Variants in TSHZ2 observed in about 807,000 individuals in gnomAD.
TSHZ2 encodes the protein teashirt homolog 2.
A neutral mutation model predicts 74.4 loss-of-function variants in TSHZ2; 21 were observed. That is an observed-to-expected ratio of 0.28 (90% CI 0.20 to 0.41). The LOEUF is 0.41. TSHZ2 is among the 10% of genes least tolerant of loss of function. The pLI is 1.00. For missense variants in TSHZ2, 1,244 were observed against 1,293.5 expected, an observed-to-expected ratio of 0.96 and a Z score of 0.59; for synonymous variants, 540 against 515.3, an observed-to-expected ratio of 1.05 and a Z score of -0.65.
intron 1 of TSHZ2, among the ~76,000 whole-genome samples, chr20:52,993,280 C>T (rs1365208641): frequency 2.6e-5 from 4 of 152,164 alleles, no homozygotes; most frequent in Admixed American, 2.6e-4. Context: ...TTCCCCCGGG[C>T]AACATAACAT....
At chr20:53,161,056 C>T (rs772965413) in intron 1 of TSHZ2, among the ~76,000 whole-genome samples, 9 of 139,274 alleles carry the variant, frequency 6.5e-5, no homozygotes, top group African/African-American at 1.4e-4. Context: ...TGTTTGTTTT[C>T]GAGAACATTG....
At chr20:53,241,404 G>C (rs1044330223) in intron 1 of TSHZ2, among the ~76,000 whole-genome samples, 1 of 152,142 alleles carries the variant, frequency 6.6e-6, no homozygotes, top group Admixed American at 6.5e-5. Context: ...GATTTATTTG[G>C]TGGAGTTACT....
intron 1 of TSHZ2, among the ~76,000 whole-genome samples, chr20:53,034,417 TG>T (rs1260884136): frequency 6.6e-6 from 1 of 152,236 alleles, no homozygotes; most frequent in Non-Finnish European, 1.5e-5. Context: ...GCATCTACTT[TG>T]TGCCAGGCAC....
chr20:52,989,655 A>G (rs1332915392), intron 1 of TSHZ2, among the ~76,000 whole-genome samples: 1 of 152,190 alleles, frequency 6.6e-6, no homozygotes, highest in Non-Finnish European at 1.5e-5. Flanking sequence ...CGCTTGGCGC[A>G]TAATAAGAAT....
chr20:53,399,555 C>T (rs1982576814), intron 2 of TSHZ2: 2 of 152,214 alleles, frequency 1.3e-5, no homozygotes, highest in Non-Finnish European at 2.9e-5. Flanking sequence ...CAGAAGGATG[C>T]TTTACAGACT....
intron 1 of TSHZ2, among the ~76,000 whole-genome samples, chr20:53,233,644 T>C (rs1989876643): frequency 6.6e-6 from 1 of 152,196 alleles, no homozygotes; most frequent in African/African-American, 2.4e-5. Flanking sequence ...GTGATAGAGC[T>C]GGGATTTTCC....
intron 1 of TSHZ2, among the ~76,000 whole-genome samples, chr20:53,158,720 C>A (rs1987856190): frequency 6.6e-6 from 1 of 152,136 alleles, no homozygotes; most frequent in African/African-American, 2.4e-5. Context: ...TCGTGGCCCT[C>A]AAGGACCACC....
At chr20:53,455,471 GT>G (rs1985023393) in intron 2 of TSHZ2, 1 of 151,984 alleles carries the variant, frequency 6.6e-6, no homozygotes, top group South Asian at 2.1e-4. Context: ...AATACACAAA[GT>G]TTTGCTACTT....
At chr20:53,410,482 G>A (rs1239596773) in intron 2 of TSHZ2, among the ~76,000 whole-genome samples, 1 of 152,054 alleles carries the variant, frequency 6.6e-6, no homozygotes, top group Non-Finnish European at 1.5e-5. Flanking sequence ...GGTGGAGGAG[G>A]AGGCATAGCA....
intron 2 of TSHZ2, among the ~76,000 whole-genome samples, chr20:53,395,093 T>C (rs574148678): frequency 2.0e-5 from 3 of 152,248 alleles, no homozygotes; most frequent in East Asian, 3.9e-4. Context: ...AATTCAGTCA[T>C]GTGAAATCAA....
At chr20:53,047,240 G>A (rs1211960292) in intron 1 of TSHZ2, among the ~76,000 whole-genome samples, 1 of 152,102 alleles carries the variant, frequency 6.6e-6, no homozygotes, top group Non-Finnish European at 1.5e-5. Context: ...CTTTATTAAG[G>A]TATAATAGAA....
rs538915840 is a variant in TSHZ2 at position 53,280,338 on chromosome 20, A to G, written c.*8+23767A>G. ...ATAGCCTGGTTCCCAAAGCAGGTCA[A>G]TTTATATCATAAAACTCAAAAATTA... On this transcript the variant is annotated intron_variant, in intron 2 of 2. Coordinates refer to ENST00000371497, the MANE Select transcript of TSHZ2 (RefSeq NM_173485.6). Among the ~76,000 whole-genome samples, 46 of 152,326 alleles carry G rather than the reference A, an allele frequency of 3.0e-4. No homozygotes were observed. In the Middle Eastern group the frequency reaches 0.01, roughly 34 times the overall value.
chr20:53,442,993 G>C (rs1984397421), intron 2 of TSHZ2, among the ~76,000 whole-genome samples: 2 of 152,158 alleles, frequency 1.3e-5, no homozygotes, highest in African/African-American at 4.8e-5. Flanking sequence ...TTTTTTAATA[G>C]CATGTCCTCG....
At chr20:53,341,735 C>A (rs1295050025) in intron 2 of TSHZ2, among the ~76,000 whole-genome samples, 1 of 151,920 alleles carries the variant, frequency 6.6e-6, no homozygotes, top group Non-Finnish European at 1.5e-5. Flanking sequence ...GCTGGGGGGA[C>A]AGAGCTGCTC....
intron 2 of TSHZ2, among the ~76,000 whole-genome samples, chr20:53,312,979 C>T (rs1166295016): frequency 6.6e-6 from 1 of 152,196 alleles, no homozygotes; most frequent in African/African-American, 2.4e-5. Flanking sequence ...AAGTGAAATA[C>T]AGATTTGGAA....
At chr20:53,258,201 T>C (rs1344072115) in intron 2 of TSHZ2, among the ~76,000 whole-genome samples, 1 of 152,238 alleles carries the variant, frequency 6.6e-6, no homozygotes, top group African/African-American at 2.4e-5. Flanking sequence ...ATTCTTCTCA[T>C]TCTTTCCAAG....
chr20:53,017,833 C>A (rs1983096435), intron 1 of TSHZ2, among the ~76,000 whole-genome samples: 2 of 152,216 alleles, frequency 1.3e-5, no homozygotes, highest in South Asian at 4.1e-4. Flanking sequence ...AGTTTAGGAC[C>A]AATCACATTG....
At chr20:53,233,769 C>T (rs1382113367) in intron 1 of TSHZ2, among the ~76,000 whole-genome samples, 2 of 152,142 alleles carry the variant, frequency 1.3e-5, no homozygotes, top group South Asian at 2.1e-4. Context: ...TAAATTCAGA[C>T]ATTATTAAAT....
rs528371911 is a variant in TSHZ2 at position 53,451,324 on chromosome 20, A to G, written c.*9-35820A>G. ...ACTCATATTTTTATAAATTATATGGACCAAACTATTTTGGAAATCTTATCT... is the reference window on the plus strand; with the variant it reads ...ACTCATATTTTTATAAATTATATGGGCCAAACTATTTTGGAAATCTTATCT... On this transcript the variant is annotated intron_variant, in intron 2 of 2. Transcript: ENST00000371497. Among the ~76,000 whole-genome samples, 7 of 152,336 alleles carry G rather than the reference A, an allele frequency of 4.6e-5. No homozygotes were observed. The East Asian group carries it at 1.2e-3, about 25-fold the overall frequency.
Sources: allele counts gnomAD v4.1 joint callset (sites outside exome capture counted in the v4.1 genomes callset), GRCh38; gene constraint gnomAD v4.1.1; transcripts MANE v1.5; gene names NCBI Gene and HGNC (gene_info 2026-07-23, HGNC 2026-07-21).